The following L3MBTL2 variants were observed in gnomAD, a reference collection of about 807,000 sequenced individuals.
L3MBTL2 encodes L3MBTL histone methyl-lysine binding protein 2.
L3MBTL2 carries 49 observed loss-of-function variants against 86.4 expected under a neutral mutation model. The observed-to-expected ratio is 0.57, with a 90% CI of 0.45 to 0.72. L3MBTL2 has a LOEUF of 0.72. Ranked by LOEUF, L3MBTL2 falls within the 30% of genes least tolerant of loss-of-function variation. The pLI is 0.00. For missense variants in L3MBTL2, 755 were observed against 923.7 expected, an observed-to-expected ratio of 0.82 and a Z score of 2.37; for synonymous variants, 336 against 350.6, an observed-to-expected ratio of 0.96 and a Z score of 0.47.
Position 41,220,783 on chromosome 22 carries a change from T to A in L3MBTL2, c.768T>A (p.His256Gln). 6.2e-7 allele frequency: 1 copy of A among 1,613,956 alleles called. No individual in the cohort carries two copies. The highest frequency in any genetic ancestry group is 1.1e-5 in the South Asian group (1 of 91,072). The change falls in exon 7 of 17, where the codon CAT (histidine) becomes CAA (glutamine). Residue 256 changes from histidine to glutamine, a missense_variant. This residue lies in a region of L3MBTL2 where 634 missense variants were observed against 748.9 expected (regional missense o/e 0.85). Coordinates refer to ENST00000216237, the MANE Select transcript of L3MBTL2 (RefSeq NM_031488.5). ...RYEGFENDAS[H>Q]DFWCNLGTVD... ...AAGGCTTTGAAAATGACGCCAGCCA[T>A]GACTTCTGGTGCAACCTGGGAACAG...
chr22:41,215,060 G>A (rs1424308789), intron 3 of L3MBTL2, among the ~76,000 whole-genome samples: 5 of 152,144 alleles, frequency 3.3e-5, no homozygotes, highest in East Asian at 1.9e-4. Context: ...CTGGGATGGT[G>A]TGTAGCCTGG....
At chr22:41,230,089 C>CCCCCCCCCCT in intron 16 of L3MBTL2, 50 bp from the exon 17 acceptor site, 3 of 873,242 alleles carry the variant, frequency 3.4e-6, no homozygotes, top group South Asian at 1.6e-5. Context: ...GCCCCCACCC[C>CCCCCCCCCCT]TCCCAGAGTT....
intron 1 of L3MBTL2, among the ~76,000 whole-genome samples, chr22:41,207,238 T>A (rs2030303394): frequency 8.0e-6 from 1 of 124,534 alleles, no homozygotes; most frequent in African/African-American, 4.1e-5. Context: ...CCCAAATCCT[T>A]TTTTTTTTTT....
intron 5 of L3MBTL2, chr22:41,217,464 C>T (rs558771311): frequency 1.5e-5 from 7 of 457,974 alleles, no homozygotes; most frequent in Non-Finnish European, 2.8e-5. Flanking sequence ...TAGCTGATGT[C>T]GAAGGGTCTT....
intron 8 of L3MBTL2, among the ~76,000 whole-genome samples, chr22:41,221,679 T>A (rs1036131450): frequency 2.6e-5 from 4 of 152,108 alleles, no homozygotes; most frequent in African/African-American, 7.2e-5. Flanking sequence ...CGATCTCGGC[T>A]CCCTGCAAGC....
chr22:41,229,549 T>G lies in L3MBTL2; in HGVS notation c.1898T>G (p.Ile633Ser), dbSNP rs755706518. The G allele has an allele frequency of 1.2e-6, 2 of 1,610,498 alleles. No homozygotes were observed. Among genetic ancestry groups the G allele is most frequent in the East Asian group, 4.5e-5 (2 of 44,740 alleles). ...KKQFGKKRKR[I>S]PPTKTRPLRQ... is the part of the protein sequence containing the mutation. ...CCATTTTTATTCAAAGGGAAAAGAATCCCGCCCACTAAGACGCGACCCCTC... is the reference window on the plus strand; with the variant it reads ...CCATTTTTATTCAAAGGGAAAAGAAGCCCGCCCACTAAGACGCGACCCCTC... The change falls in exon 16 of 17, where the codon ATC (isoleucine) becomes AGC (serine). Residue 633 changes from isoleucine to serine, a missense_variant. This residue lies in a region of L3MBTL2 where 634 missense variants were observed against 748.9 expected (regional missense o/e 0.85). Coordinates refer to ENST00000216237, the MANE Select transcript of L3MBTL2 (RefSeq NM_031488.5).
intron 1 of L3MBTL2, among the ~76,000 whole-genome samples, chr22:41,207,120 A>C (rs1031494672): frequency 1.3e-5 from 2 of 152,186 alleles, no homozygotes; most frequent in African/African-American, 2.4e-5. Flanking sequence ...ACTCAGGCAA[A>C]TCAGAGCCTA....
chr22:41,229,316 G>T (rs555950359), intron 15 of L3MBTL2, among the ~76,000 whole-genome samples: 1 of 152,244 alleles, frequency 6.6e-6, no homozygotes, highest in South Asian at 2.1e-4. Flanking sequence ...ACTGCCTGGG[G>T]CTTGGTTTGA....
Position 41,227,035 on chromosome 22 carries a change from C to G in L3MBTL2, c.1588-54C>G. The G allele has an allele frequency of 6.7e-7, 1 of 1,497,476 alleles. No individual in the cohort carries two copies. Among genetic ancestry groups the G allele is most frequent in the South Asian group, 1.2e-5 (1 of 83,510 alleles). 92.8% of individuals were successfully genotyped at this position (1,497,476 alleles called of 1,614,324 possible). The stretch of plus-strand genomic sequence containing the variant: ...CAAGTGCCTCCGGGCCGGGGCAAGC[C>G]TGCTGGGGTAGGGAGCTGACTGGCT... On this transcript the variant is annotated intron_variant, in intron 13 of 16. Transcript: ENST00000216237. The surrounding 1 kb of genome is among the most constrained non-coding windows in gnomAD (Gnocchi z 6.0).
intron 1 of L3MBTL2, among the ~76,000 whole-genome samples, chr22:41,207,163 T>C (rs529479426): frequency 2.6e-5 from 4 of 152,158 alleles, no homozygotes; most frequent in South Asian, 2.1e-4. Flanking sequence ...GCAACCTTTA[T>C]TGAGCACTTA....
chr22:41,223,411 G>A (rs1051456071), intron 8 of L3MBTL2, among the ~76,000 whole-genome samples: 3 of 152,224 alleles, frequency 2.0e-5, no homozygotes, highest in African/African-American at 7.2e-5. Flanking sequence ...AGAGCAGCTC[G>A]AGGGCATCTT....
intron 6 of L3MBTL2, 52 bp from the exon 7 acceptor site, chr22:41,220,682 A>T: frequency 6.5e-7 from 1 of 1,543,610 alleles, no homozygotes; most frequent in Non-Finnish European, 8.7e-7. Flanking sequence ...AAAACAGAAC[A>T]TACCTTCCCC....
Position 41,230,607 on chromosome 22 carries a change from C to T in L3MBTL2, c.*356C>T, listed in dbSNP as rs1601549155. 1.3e-5 allele frequency: 4 copies of T among 318,280 alleles called. No individual in the cohort carries two copies. In the Middle Eastern group the frequency reaches 4.2e-3, roughly 334 times the overall value. The allele number at this position is 318,280 out of a possible 1,614,324, so 19.7% of individuals were successfully genotyped here. On this transcript the variant is annotated 3_prime_UTR_variant, in exon 17 of 17. Transcript: ENST00000216237. Reference sequence around the variant, plus strand: ...CCCTCAGTTGCCAGGGATGGGGCCACCACTGTCACACTGTGGAATACAAGA... The same window carrying T: ...CCCTCAGTTGCCAGGGATGGGGCCATCACTGTCACACTGTGGAATACAAGA...
At chr22:41,219,633 CA>C in intron 6 of L3MBTL2, 97 bp downstream of exon 6, 1 of 751,318 alleles carries the variant, frequency 1.3e-6, no homozygotes. Flanking sequence ...CTTCATAAAA[CA>C]AAAATCCCAC....
Position 41,209,684 on chromosome 22 carries a change from A to G in L3MBTL2, c.25-12A>G. The G allele has an allele frequency of 6.2e-7, 1 of 1,611,186 alleles. No individual in the cohort carries two copies. Among genetic ancestry groups the G allele is most frequent in the Non-Finnish European group, 8.5e-7 (1 of 1,177,478 alleles). ...TAATTCTTTCTACCTGGTTTGTGTC[A>G]TCCTCCATTAGGAGACCCCATCTTC... On this transcript the variant is annotated splice_polypyrimidine_tract_variant and intron_variant, in intron 1 of 16. Coordinates refer to ENST00000216237, the MANE Select transcript of L3MBTL2 (RefSeq NM_031488.5).
intron 7 of L3MBTL2, 67 bp downstream of exon 7, chr22:41,220,935 T>A: frequency 6.6e-7 from 1 of 1,522,586 alleles, no homozygotes; most frequent in Non-Finnish European, 9.0e-7. Flanking sequence ...AGTCCTCTGC[T>A]TGTGTTAGGT....
Position 41,226,721 on chromosome 22 carries a change from G to A in L3MBTL2, c.1564G>A (p.Ala522Thr), listed in dbSNP as rs555547448. ...NYLEKTKSKA[A>T]PSRLFNMDCP... is the part of the protein sequence containing the mutation. ...CTTGGAGAAGACCAAGTCGAAAGCC[G>A]CTCCATCGAGACTCTTTAACATGGT... Residue 522 changes from alanine to threonine, a missense_variant, in exon 13 of 17, where the codon GCT becomes ACT. Ala to Thr is a moderately conservative substitution (Grantham distance 58). This residue lies in a region of L3MBTL2 where 634 missense variants were observed against 748.9 expected (regional missense o/e 0.85). Transcript: ENST00000216237. 1.7e-5 allele frequency: 27 copies of A among 1,613,746 alleles called. No homozygotes were observed. Among genetic ancestry groups the A allele is most frequent in the African/African-American group, 5.3e-5 (4 of 75,052 alleles).
rs201382019 is a variant in L3MBTL2 at position 41,224,166 on chromosome 22, C to T, written c.1089C>T (p.Asp363=). 3.2e-5 allele frequency: 52 copies of T among 1,613,982 alleles called. No individual in the cohort carries two copies. The South Asian group carries it at 4.1e-4, about 13-fold the overall frequency. The part of the protein sequence containing the change: ...LRLLYEDGDS[D]DDFWCHMWSP... ...TCCTCTACGAGGATGGTGACAGTGA[C>T]GACGACTTCTGGTGCCACATGTGGA... Residue 363 remains aspartate, a synonymous_variant, in exon 9 of 17, where the codon GAC becomes GAT. Coordinates refer to ENST00000216237, the MANE Select transcript of L3MBTL2 (RefSeq NM_031488.5). The surrounding 1 kb of genome is among the most constrained non-coding windows in gnomAD (Gnocchi z 4.9).
chr22:41,209,816 G>A lies in L3MBTL2; in HGVS notation c.145G>A (p.Glu49Lys). 6.2e-7 allele frequency: 1 copy of A among 1,614,168 alleles called. No individual in the cohort carries two copies. The highest frequency in any genetic ancestry group is 1.3e-5 in the African/African-American group (1 of 75,040). ...SVGSESSSYL[E>K]ESSEAENEDR... ...GGGCAGTGAGAGCAGCTCCTATCTG[G>A]AGGAGTCAAGTGAAGCAGAAAATGA... Residue 49 changes from glutamate to lysine, a missense_variant, in exon 2 of 17, where the codon GAG becomes AAG. Glu to Lys is a moderately conservative substitution (Grantham distance 56). Around this residue, in one of 3 missense-constraint regions of L3MBTL2, gnomAD observed 103 missense variants for 105.2 expected, o/e 0.98. Coordinates refer to ENST00000216237, the MANE Select transcript of L3MBTL2 (RefSeq NM_031488.5).
Sources: gnomAD v4.1 joint callset for allele counts (sites outside exome capture counted in the v4.1 genomes callset) on GRCh38, gnomAD v4.1.1 for gene constraint, gnomAD v4.1.1 regional missense constraint, Gnocchi (gnomAD v3.1) non-coding constraint, MANE v1.5 for transcripts, NCBI Gene and HGNC (gene_info 2026-07-23, HGNC 2026-07-21) for gene names.